Variants in TTLL5 observed in about 807,000 individuals in gnomAD.
TTLL5 encodes the protein tubulin polyglutamylase TTLL5.
A neutral mutation model predicts 168.4 loss-of-function variants in TTLL5; 132 were observed. The ratio of observed to expected loss-of-function variants is 0.78; its 90% CI spans 0.68 to 0.91. The LOEUF is 0.91. Ranked by LOEUF, TTLL5 falls within the 40% of genes least tolerant of loss-of-function variation. TTLL5 has a pLI of 0.00. For missense variants in TTLL5, 1,545 were observed against 1,581.5 expected, an observed-to-expected ratio of 0.98 and a Z score of 0.39; for synonymous variants, 546 against 558.6, an observed-to-expected ratio of 0.98 and a Z score of 0.32.
At chr14:75,772,002 CTA>C (rs1251731754) in intron 21 of TTLL5, 148 bp downstream of exon 21, 6 of 904,272 alleles carry the variant, frequency 6.6e-6, no homozygotes, top group Non-Finnish European at 9.5e-6. Flanking sequence ...TCTTATAAAT[CTA>C]TACTTACAAG....
chr14:75,910,418 A>G (rs528736560), intron 31 of TTLL5, among the ~76,000 whole-genome samples: 140 of 152,352 alleles, frequency 9.2e-4, no homozygotes, highest in Non-Finnish European at 1.8e-3. Flanking sequence ...GCAGTCCTGA[A>G]CTGGGCAAGT....
chr14:75,776,817 TG>T lies in TTLL5; in HGVS notation c.2356del (p.Glu786LysfsTer19). The T allele has an allele frequency of 6.2e-7, 1 of 1,613,974 alleles. No individual in the cohort carries two copies. The highest frequency in any genetic ancestry group is 8.5e-7 in the Non-Finnish European group (1 of 1,179,894). On this transcript the variant is annotated frameshift_variant, in exon 23 of 32. Coordinates refer to ENST00000298832, the MANE Select transcript of TTLL5 (RefSeq NM_015072.5). LOFTEE classifies it high-confidence loss of function. ...VEEEEEDGVN[M>X]ENFQEFIRQA... ...GAAGAAGAGGAAGATGGGGTGAATA[TG>T]GAAAACTTTCAGGAGTTCATCAGAC... is the stretch of plus-strand genomic sequence containing the variant.
intron 12 of TTLL5, 96 bp downstream of exon 12, chr14:75,720,799 G>A (rs1194478246): frequency 1.0e-6 from 1 of 990,382 alleles, no homozygotes; most frequent in Non-Finnish European, 1.6e-6. Flanking sequence ...TTCTATAGCA[G>A]TAAGAGGTAT....
intron 27 of TTLL5, among the ~76,000 whole-genome samples, chr14:75,804,276 A>G (rs1370739385): frequency 3.3e-5 from 5 of 152,240 alleles, no homozygotes; most frequent in Non-Finnish European, 2.9e-5. Flanking sequence ...GCGGAGGTAC[A>G]TAAAGCTTGA....
intron 31 of TTLL5, among the ~76,000 whole-genome samples, chr14:75,921,729 T>A (rs559410218): frequency 2.0e-5 from 3 of 152,350 alleles, no homozygotes; most frequent in African/African-American, 7.2e-5. Context: ...TGGTTCCATA[T>A]GAACTTTAAA....
chr14:75,757,741 T>C (rs1210017775), intron 18 of TTLL5: 22 of 1,174,642 alleles, frequency 1.9e-5, no homozygotes, highest in Non-Finnish European at 2.4e-5. Flanking sequence ...ATTTCTGTAT[T>C]AAAAATTTCT....
At chr14:75,904,372 T>C (rs1308247790) in intron 31 of TTLL5, 1 of 549,662 alleles carries the variant, frequency 1.8e-6, no homozygotes, top group Non-Finnish European at 2.3e-6. Context: ...AGAACCCCTT[T>C]GGCTCTTCAA....
intron 27 of TTLL5, among the ~76,000 whole-genome samples, chr14:75,813,843 A>AG (rs398025746): frequency 6.7e-6 from 1 of 150,008 alleles, no homozygotes; most frequent in East Asian, 2.0e-4. Context: ...AAAAAAAAAA[A>AG]GCTATAGGTT....
intron 1 of TTLL5, among the ~76,000 whole-genome samples, chr14:75,662,105 G>T (rs185662531): frequency 0.013 from 1,988 of 152,062 alleles, 18 homozygotes; most frequent in South Asian, 0.035. Flanking sequence ...TAATTTCATC[G>T]TCTATTTGAG....
At chr14:75,712,987 A>C (rs984066747) in intron 9 of TTLL5, among the ~76,000 whole-genome samples, 32 of 152,188 alleles carry the variant, frequency 2.1e-4, no homozygotes, top group Non-Finnish European at 2.9e-5. Flanking sequence ...TAACAAAGAA[A>C]GTAGGAACTC....
At chr14:75,690,792 T>A (rs1047571160) in intron 6 of TTLL5, among the ~76,000 whole-genome samples, 1 of 152,102 alleles carries the variant, frequency 6.6e-6, no homozygotes, top group South Asian at 2.1e-4. Context: ...GCTAATTTTT[T>A]AATTTTTTGT....
chr14:75,743,797 G>A (rs1166296602), intron 15 of TTLL5, among the ~76,000 whole-genome samples: 4 of 151,848 alleles, frequency 2.6e-5, no homozygotes, highest in Non-Finnish European at 2.9e-5. Context: ...TAGCCAGGAT[G>A]GTCTCAATCT....
chr14:75,951,853 A>G (rs1424677559), intron 31 of TTLL5, among the ~76,000 whole-genome samples: 1 of 152,250 alleles, frequency 6.6e-6, no homozygotes, highest in East Asian at 1.9e-4. Flanking sequence ...CAGATATTTA[A>G]GCAAAGAACT....
chr14:75,933,473 A>G (rs542695502), intron 31 of TTLL5, among the ~76,000 whole-genome samples: 4 of 152,172 alleles, frequency 2.6e-5, no homozygotes, highest in African/African-American at 9.6e-5. Flanking sequence ...AAAAATAAAC[A>G]CACAGTTATT....
intron 31 of TTLL5, among the ~76,000 whole-genome samples, chr14:75,903,530 G>A (rs1016741781): frequency 1.3e-5 from 2 of 152,034 alleles, no homozygotes; most frequent in South Asian, 2.1e-4. Flanking sequence ...AGGAGCCATC[G>A]AGGAGTTTTA....
intron 20 of TTLL5, among the ~76,000 whole-genome samples, chr14:75,768,238 A>G (rs12323806): frequency 0.013 from 1,956 of 152,348 alleles, 32 homozygotes; most frequent in African/African-American, 0.032. Context: ...AGCAATAGAC[A>G]TAAGATCAGG....
At position 75,882,902 on chromosome 14, in the gene TTLL5, A is replaced by C; in HGVS notation, c.3740A>C (p.Lys1247Thr). 1 of 1,613,998 alleles carries C rather than the reference A, an allele frequency of 6.2e-7. No homozygotes were observed. The highest frequency in any genetic ancestry group is 8.5e-7 in the Non-Finnish European group (1 of 1,179,920). Reference sequence around the variant, plus strand: ...AGGGCAACATCCCAGAAAGCTTCCAAGTAAGTTTTTTTCTGTTCAATTTCT... The same window carrying C: ...AGGGCAACATCCCAGAAAGCTTCCACGTAAGTTTTTTTCTGTTCAATTTCT... ...LRRATSQKASKGSSAEGQLNG... is the reference protein window; with the variant it reads ...LRRATSQKASTGSSAEGQLNG... Residue 1247 changes from lysine to threonine, a missense_variant and splice_region_variant, in exon 30 of 32, where the codon AAA becomes ACA. Lys to Thr is a moderately conservative substitution (Grantham distance 78). Coordinates refer to ENST00000298832, the MANE Select transcript of TTLL5 (RefSeq NM_015072.5).
chr14:75,684,410 T>A (rs966520458), intron 5 of TTLL5: 1 of 152,260 alleles, frequency 6.6e-6, no homozygotes, highest in Non-Finnish European at 1.5e-5. Context: ...TTAATTCTAG[T>A]AATAGCATAA....
At chr14:75,911,408 C>T (rs758344176) in intron 31 of TTLL5, among the ~76,000 whole-genome samples, 12 of 152,090 alleles carry the variant, frequency 7.9e-5, no homozygotes, top group Non-Finnish European at 1.5e-4. Flanking sequence ...TAAAACATAG[C>T]CTCTATCCCC....
Sources: allele counts gnomAD v4.1 joint callset (sites outside exome capture counted in the v4.1 genomes callset), GRCh38; gene constraint gnomAD v4.1.1; transcripts MANE v1.5; gene names NCBI Gene and HGNC (gene_info 2026-07-23, HGNC 2026-07-21).